The following NALCN variants were observed in gnomAD, a reference collection of about 807,000 sequenced individuals.
NALCN encodes sodium leak channel, non-selective.
Under a neutral mutation model 225.3 loss-of-function variants are expected in NALCN, and 111 were observed. That is an observed-to-expected ratio of 0.49 (90% CI 0.42 to 0.58). The LOEUF (loss-of-function observed/expected upper bound fraction) is 0.58, where lower values mean the gene tolerates loss of function less well. Ranked by LOEUF, NALCN falls within the 20% of genes least tolerant of loss-of-function variation. NALCN has a pLI of 0.00. For synonymous variants in NALCN, 764 were observed against 769.0 expected, an observed-to-expected ratio of 0.99 and a Z score of 0.11; for missense variants, 1,378 against 2,202.4, an observed-to-expected ratio of 0.63 and a Z score of 7.49.
chr13:101,127,403 G>C (rs574470485), intron 17 of NALCN, among the ~76,000 whole-genome samples: 60 of 152,286 alleles, frequency 3.9e-4, no homozygotes, highest in Admixed American at 1.2e-3. Flanking sequence ...CTGTTGCCCA[G>C]GTTGGAGGGC....
intron 3 of NALCN, among the ~76,000 whole-genome samples, chr13:101,387,432 T>G (rs1016258238): frequency 2.0e-5 from 3 of 152,044 alleles, no homozygotes; most frequent in African/African-American, 7.2e-5. Context: ...ACAACTCTGT[T>G]CCAAACAATG....
rs2042169717 is a variant in NALCN, at chr13:101,254,706, AC to A, written c.1266+3736del. On this transcript the variant is annotated intron_variant, in intron 11 of 43. Transcript: ENST00000251127. ...GGAGATCGAGACCATCCCGGCTAAAACGGTGAAACCCCGTCTCTACTAAAAA... is the reference window on the plus strand; with the variant it reads ...GGAGATCGAGACCATCCCGGCTAAAAGGTGAAACCCCGTCTCTACTAAAAA... Among the ~76,000 whole-genome samples, 2 of 122,898 alleles carry A rather than the reference AC, an allele frequency of 1.6e-5. 1 individual carries two copies. Among genetic ancestry groups the A allele is most frequent in the Admixed American group, 1.6e-4 (2 of 12,590 alleles). 80.6% of individuals were successfully genotyped at this position (122,898 alleles called of 152,430 possible).
intron 18 of NALCN, among the ~76,000 whole-genome samples, chr13:101,118,917 A>T (rs934039386): frequency 1.4e-4 from 21 of 152,162 alleles, no homozygotes; most frequent in Non-Finnish European, 2.5e-4. Context: ...CCCTCCCAGC[A>T]GTGTACAGGG....
At chr13:101,270,956 C>T (rs191661912) in intron 10 of NALCN, among the ~76,000 whole-genome samples, 85 of 152,290 alleles carry the variant, frequency 5.6e-4, no homozygotes, top group African/African-American at 9.6e-4. Flanking sequence ...CTCCAATGGA[C>T]ATTTTAAAAA....
chr13:101,301,229 A>G (rs2043952884), intron 7 of NALCN, among the ~76,000 whole-genome samples: 1 of 152,170 alleles, frequency 6.6e-6, no homozygotes, highest in African/African-American at 2.4e-5. Flanking sequence ...AACAGTTCCC[A>G]GGACGCTCAG....
intron 9 of NALCN, among the ~76,000 whole-genome samples, chr13:101,287,055 T>TC (rs1450349541): frequency 6.6e-6 from 1 of 152,194 alleles, no homozygotes; most frequent in Non-Finnish European, 1.5e-5. Context: ...TAAGATTGTT[T>TC]CCATTTTTAA....
intron 18 of NALCN, among the ~76,000 whole-genome samples, chr13:101,120,824 C>A (rs770469541): frequency 2.0e-5 from 3 of 152,162 alleles, no homozygotes; most frequent in Non-Finnish European, 4.4e-5. Context: ...TGGTCCTCAA[C>A]CACAGCACTG....
chr13:101,212,418 T>G (rs1351741888), intron 13 of NALCN, among the ~76,000 whole-genome samples: 2 of 152,140 alleles, frequency 1.3e-5, no homozygotes, highest in Non-Finnish European at 2.9e-5. Flanking sequence ...TTGGCTTACT[T>G]GAGATCTTTC....
At chr13:101,351,894 C>G (rs1221472217) in intron 6 of NALCN, among the ~76,000 whole-genome samples, 1 of 152,118 alleles carries the variant, frequency 6.6e-6, no homozygotes, top group Non-Finnish European at 1.5e-5. Flanking sequence ...TTCACAATAT[C>G]GTCTTTCTCT....
At chr13:101,308,208 C>T (rs2044216524) in intron 7 of NALCN, among the ~76,000 whole-genome samples, 1 of 152,192 alleles carries the variant, frequency 6.6e-6, no homozygotes, top group African/African-American at 2.4e-5. Flanking sequence ...GATATTGCTG[C>T]TTGCGACTCT....
intron 7 of NALCN, among the ~76,000 whole-genome samples, chr13:101,314,089 C>G (rs478685): frequency 0.42 from 60,699 of 146,108 alleles, 12,721 homozygotes; most frequent in Middle Eastern, 0.48. Flanking sequence ...CATGTTCTCA[C>G]TCATAGGTGG....
chr13:101,181,607 C>T (rs9585646), intron 14 of NALCN, among the ~76,000 whole-genome samples: 37,261 of 150,108 alleles, frequency 0.25, 5,327 homozygotes, highest in Non-Finnish European at 0.33. Flanking sequence ...GGCATGGTGG[C>T]GCATGCCTGT....
At chr13:101,204,433 G>A (rs2040238829) in intron 13 of NALCN, among the ~76,000 whole-genome samples, 1 of 151,990 alleles carries the variant, frequency 6.6e-6, no homozygotes, top group South Asian at 2.1e-4. Context: ...AAAGAGAGAG[G>A]AGAAAAAAAC....
intron 7 of NALCN, among the ~76,000 whole-genome samples, chr13:101,327,572 G>A (rs1028677949): frequency 6.6e-6 from 1 of 152,152 alleles, no homozygotes; most frequent in Non-Finnish European, 1.5e-5. Flanking sequence ...AAGGCACATA[G>A]CCTGTGTATT....
intron 3 of NALCN, among the ~76,000 whole-genome samples, chr13:101,391,355 C>T (rs2047138813): frequency 6.6e-6 from 1 of 152,084 alleles, no homozygotes; most frequent in South Asian, 2.1e-4. Context: ...ATATACTTCA[C>T]CAAATAGACC....
intron 14 of NALCN, among the ~76,000 whole-genome samples, chr13:101,181,816 G>A (rs1256916510): frequency 6.6e-6 from 1 of 152,110 alleles, no homozygotes; most frequent in Non-Finnish European, 1.5e-5. Flanking sequence ...GTTAAGTGCA[G>A]TTTGACAAAA....
At chr13:101,267,886 T>C (rs372101867) in intron 10 of NALCN, among the ~76,000 whole-genome samples, 1 of 152,236 alleles carries the variant, frequency 6.6e-6, no homozygotes, top group Admixed American at 6.5e-5. Context: ...AAAGCTATTA[T>C]ACCTACCAAG....
chr13:101,342,346 T>C (rs527457942), intron 7 of NALCN, among the ~76,000 whole-genome samples: 42 of 152,306 alleles, frequency 2.8e-4, no homozygotes, highest in African/African-American at 9.6e-4. Context: ...ATAGTGGCCA[T>C]GAAAACCTTC....
chr13:101,233,356 T>TC (rs71121176), intron 12 of NALCN, among the ~76,000 whole-genome samples: 1 of 151,434 alleles, frequency 6.6e-6, no homozygotes, highest in African/African-American at 2.4e-5. Flanking sequence ...TTTTTTTTTT[T>TC]GTGAGACGGA....
Sources: gnomAD v4.1 joint callset for allele counts (sites outside exome capture counted in the v4.1 genomes callset) on GRCh38, gnomAD v4.1.1 for gene constraint, MANE v1.5 for transcripts, NCBI Gene and HGNC (gene_info 2026-07-23, HGNC 2026-07-21) for gene names.